Variants in PRKD1 observed in about 807,000 individuals in gnomAD.
The protein encoded by PRKD1 is serine/threonine-protein kinase D1.
A neutral mutation model predicts 95.9 loss-of-function variants in PRKD1; 63 were observed. The observed-to-expected ratio is 0.66, with a 90% confidence interval of 0.54 to 0.81. The LOEUF (loss-of-function observed/expected upper bound fraction) is 0.81, where lower values mean the gene tolerates loss of function less well. Among genes scored for constraint, PRKD1 ranks in the 30% least tolerant of loss-of-function variants. The probability of loss-of-function intolerance (pLI) is 0.00; values close to 1 mark genes in which losing one functional copy is unlikely to be tolerated. For synonymous variants in PRKD1, 425 were observed against 423.1 expected (o/e 1.00, Z -0.05); for missense variants, 1,048 against 1,165.3 (o/e 0.90, Z 1.47).
At chr14:29,888,232 AGTGATCCTAT>A in intron 1 of PRKD1, among the ~76,000 whole-genome samples, 1 of 152,092 alleles carries the variant, frequency 6.6e-6, no homozygotes, top group South Asian at 2.1e-4. Context: ...TAAGCCCAGG[AGTGATCCTAT>A]GATTTTGCCA....
intron 11 of PRKD1, among the ~76,000 whole-genome samples, chr14:29,626,877 G>A (rs1224952507): frequency 6.6e-6 from 1 of 152,006 alleles, no homozygotes; most frequent in African/African-American, 2.4e-5. Context: ...ACCACGCCCA[G>A]CTAATTTTTG....
intron 1 of PRKD1, among the ~76,000 whole-genome samples, chr14:29,869,280 TA>T (rs1197902351): frequency 6.6e-6 from 1 of 151,856 alleles, no homozygotes; most frequent in African/African-American, 2.4e-5. Context: ...CTATCTGTAC[TA>T]AAAATACAAA....
chr14:29,912,938 T>C (rs1365658888), intron 1 of PRKD1, among the ~76,000 whole-genome samples: 3 of 152,252 alleles, frequency 2.0e-5, no homozygotes, highest in Non-Finnish European at 2.9e-5. Context: ...ATCAATTTAG[T>C]ATGTACTACC....
At chr14:29,676,176 C>CTTTTTTTTTTTTTTTTTTTTTTT in intron 2 of PRKD1, among the ~76,000 whole-genome samples, 1 of 62,242 alleles carries the variant, frequency 1.6e-5, no homozygotes, top group African/African-American at 9.2e-5. Context: ...TAGTTCATTA[C>CTTTTTTTTTTTTTTTTTTTTTTT]GTTTTTGTTT....
chr14:29,618,498 C>T (rs937672136), intron 13 of PRKD1, among the ~76,000 whole-genome samples: 5 of 152,092 alleles, frequency 3.3e-5, no homozygotes, highest in African/African-American at 7.2e-5. Context: ...TCAGGTGATC[C>T]GGCTGCCTCA....
intron 1 of PRKD1, among the ~76,000 whole-genome samples, chr14:29,889,757 G>A (rs927071336): frequency 6.6e-6 from 1 of 152,192 alleles, no homozygotes; most frequent in East Asian, 1.9e-4. Flanking sequence ...GACAAGGAGA[G>A]GGATAGTGTT....
intron 1 of PRKD1, among the ~76,000 whole-genome samples, chr14:29,842,945 G>A (rs746528136): frequency 1.4e-4 from 22 of 152,150 alleles, no homozygotes; most frequent in Non-Finnish European, 2.9e-4. Flanking sequence ...GTATCCAAAA[G>A]TGAAATGGTA....
At chr14:29,584,581 T>C (rs1179487651) in intron 16 of PRKD1, among the ~76,000 whole-genome samples, 2 of 152,218 alleles carry the variant, frequency 1.3e-5, no homozygotes, top group African/African-American at 2.4e-5. Flanking sequence ...AAGTAAAATA[T>C]ATTTAAACTA....
chr14:29,635,758 G>T (rs900768318), intron 7 of PRKD1, among the ~76,000 whole-genome samples: 1 of 152,180 alleles, frequency 6.6e-6, no homozygotes, highest in African/African-American at 2.4e-5. Context: ...AGTCCAATTT[G>T]CTCTGGTGGC....
intron 16 of PRKD1, among the ~76,000 whole-genome samples, chr14:29,587,278 G>A (rs537698911): frequency 2.0e-5 from 3 of 152,158 alleles, no homozygotes; most frequent in Non-Finnish European, 4.4e-5. Flanking sequence ...TAATTACTCA[G>A]TGGATTGGCA....
At chr14:29,701,841 A>G (rs1884858664) in intron 2 of PRKD1, among the ~76,000 whole-genome samples, 1 of 152,186 alleles carries the variant, frequency 6.6e-6, no homozygotes, top group Admixed American at 6.5e-5. Flanking sequence ...GCTACCTAGC[A>G]TAATATGATC....
At chr14:29,777,650 C>T (rs1594509025) in intron 1 of PRKD1, among the ~76,000 whole-genome samples, 1 of 152,222 alleles carries the variant, frequency 6.6e-6, no homozygotes, top group East Asian at 1.9e-4. Context: ...AAAGCAAGTC[C>T]TTAGAGACCT....
intron 16 of PRKD1, chr14:29,592,844 C>T (rs559980797): frequency 1.3e-5 from 2 of 152,016 alleles, no homozygotes; most frequent in East Asian, 1.9e-4. Flanking sequence ...GATCCTGTTT[C>T]CTAGTACTTT....
intron 1 of PRKD1, among the ~76,000 whole-genome samples, chr14:29,917,929 T>C (rs980016660): frequency 1.3e-5 from 2 of 152,086 alleles, no homozygotes; most frequent in Non-Finnish European, 2.9e-5. Flanking sequence ...AAGTAAAAAA[T>C]AGATTTTTTT....
Position 29,630,931 on chromosome 14 carries a change from T to C in PRKD1, c.1483A>G (p.Thr495Ala). Reference sequence around the variant, plus strand: ...ACATAATACACTACATTTGCCGTAGTGATTTCGAAACAATGAGGATTGGCC... The same window carrying C: ...ACATAATACACTACATTTGCCGTAGCGATTTCGAAACAATGAGGATTGGCC... ...NGANPHCFEITTANVVYYVGE... is the reference protein window; with the variant it reads ...NGANPHCFEIATANVVYYVGE... The change falls in exon 10 of 18, where the codon ACT (threonine) becomes GCT (alanine). Residue 495 changes from threonine (T) to alanine (A), a missense_variant. This residue lies in a region of PRKD1 where 739 missense variants were observed against 861.9 expected (regional missense o/e 0.86). Transcript: ENST00000331968. 1 of 1,614,128 alleles carries C rather than the reference T, an allele frequency of 6.2e-7. No homozygotes were observed. The highest frequency in any genetic ancestry group is 8.5e-7 in the Non-Finnish European group (1 of 1,179,992).
intron 1 of PRKD1, among the ~76,000 whole-genome samples, chr14:29,749,636 T>C (rs1234491135): frequency 6.6e-6 from 1 of 152,194 alleles, no homozygotes; most frequent in Non-Finnish European, 1.5e-5. Context: ...TCCTTATCCA[T>C]GTGTATATAA....
intron 1 of PRKD1, among the ~76,000 whole-genome samples, chr14:29,766,129 A>C (rs925867744): frequency 2.0e-5 from 3 of 150,874 alleles, no homozygotes; most frequent in African/African-American, 4.8e-5. Flanking sequence ...GGAGAAAGAC[A>C]GGGGAATAAG....
chr14:29,754,536 CT>C (rs907704688), intron 1 of PRKD1, among the ~76,000 whole-genome samples: 2 of 152,016 alleles, frequency 1.3e-5, no homozygotes, highest in Non-Finnish European at 2.9e-5. Flanking sequence ...ATCAGTTTTA[CT>C]TTTTCCATAT....
At position 29,666,080 on chromosome 14, in the gene PRKD1, C is replaced by T. The variant is rs1179272987; in HGVS notation, c.532G>A (p.Glu178Lys). The T allele has an allele frequency of 5.7e-6, 9 of 1,580,156 alleles. No individual in the cohort carries two copies. In the East Asian group the frequency reaches 2.0e-4, roughly 36 times the overall value. ...GCATGGGAAGAAAATAACTTACCTTCACATTTAAGACCTTGACGTACCAGC... is the reference window on the plus strand; with the variant it reads ...GCATGGGAAGAAAATAACTTACCTTTACATTTAAGACCTTGACGTACCAGC... ...WGLVRQGLKC[E>K]GCGLNYHKRC... The change falls in exon 3 of 18, where the codon GAA (glutamate) becomes AAA (lysine). Residue 178 changes from glutamate (E) to lysine (K), a missense_variant. Physicochemically the swap from Glu to Lys is moderately conservative, Grantham distance 56 (BLOSUM62 1). This residue lies in a region of PRKD1 where 275 missense variants were observed against 248.6 expected (regional missense o/e 1.11). Coordinates refer to ENST00000331968, the MANE Select transcript of PRKD1 (RefSeq NM_002742.3).
Sources: gnomAD v4.1 joint callset for allele counts (sites outside exome capture counted in the v4.1 genomes callset) on GRCh38, gnomAD v4.1.1 for gene constraint, gnomAD v4.1.1 regional missense constraint, MANE v1.5 for transcripts, NCBI Gene and HGNC (gene_info 2026-07-23, HGNC 2026-07-21) for gene names.